ANTXR2: variants seen among roughly 807,000 people sequenced by gnomAD.
ANTXR2 encodes the protein ANTXR cell adhesion molecule 2, also known as anthrax toxin receptor 2.
ANTXR2 carries 44 observed loss-of-function variants against 73.7 expected under a neutral mutation model. The observed-to-expected ratio is 0.60, with a 90% CI of 0.47 to 0.77. ANTXR2 has a LOEUF of 0.77. Among genes scored for constraint, ANTXR2 ranks in the 30% least tolerant of loss-of-function variants. The probability of loss-of-function intolerance (pLI) is 0.00; values close to 1 mark genes in which losing one functional copy is unlikely to be tolerated. For synonymous variants in ANTXR2, 217 were observed against 205.9 expected, an observed-to-expected ratio of 1.05 and a Z score of -0.46; for missense variants, 604 against 592.5, an observed-to-expected ratio of 1.02 and a Z score of -0.20.
intron 16 of ANTXR2, among the ~76,000 whole-genome samples, chr4:79,947,035 G>C (rs1461969526): frequency 6.6e-6 from 1 of 152,028 alleles, no homozygotes; most frequent in Non-Finnish European, 1.5e-5. Context: ...GCTTCTTTTG[G>C]CCAGAAGCAA....
intron 7 of ANTXR2, among the ~76,000 whole-genome samples, chr4:80,043,442 A>G (rs537283502): frequency 6.6e-6 from 1 of 152,062 alleles, no homozygotes; most frequent in South Asian, 2.1e-4. Context: ...TCAAAACCCA[A>G]GTATTTTTCC....
chr4:80,067,979 T>TA, intron 3 of ANTXR2, among the ~76,000 whole-genome samples: 1 of 152,212 alleles, frequency 6.6e-6, no homozygotes, highest in African/African-American at 2.4e-5. Flanking sequence ...TCCCAGAACT[T>TA]AAAATTAAAA....
At chr4:80,029,195 A>G (rs1474757551) in intron 10 of ANTXR2, among the ~76,000 whole-genome samples, 1 of 152,188 alleles carries the variant, frequency 6.6e-6, no homozygotes, top group African/African-American at 2.4e-5. Context: ...ATTCTCTTCT[A>G]AAGAAGACTG....
At chr4:79,946,485 G>C (rs528556772) in intron 16 of ANTXR2, among the ~76,000 whole-genome samples, 3 of 152,226 alleles carry the variant, frequency 2.0e-5, no homozygotes, top group African/African-American at 7.2e-5. Flanking sequence ...AATTAGGGCA[G>C]GAGGCCAACC....
intron 16 of ANTXR2, among the ~76,000 whole-genome samples, chr4:79,958,267 A>G (rs1578111512): frequency 1.3e-5 from 2 of 152,092 alleles, no homozygotes; most frequent in South Asian, 4.1e-4. Flanking sequence ...TAACTGCCCT[A>G]CAGTAACTGT....
intron 7 of ANTXR2, among the ~76,000 whole-genome samples, chr4:80,040,482 T>C (rs1042873228): frequency 6.6e-6 from 1 of 152,080 alleles, no homozygotes; most frequent in Non-Finnish European, 1.5e-5. Flanking sequence ...ACTTTGCAAC[T>C]CCATCATTGG....
chr4:79,925,285 T>C (rs898772469), intron 16 of ANTXR2, among the ~76,000 whole-genome samples: 4 of 88,236 alleles, frequency 4.5e-5, no homozygotes, highest in African/African-American at 1.5e-4. Flanking sequence ...AGTCACTCTT[T>C]CCTTTTTTTT....
intron 12 of ANTXR2, among the ~76,000 whole-genome samples, chr4:80,004,252 T>G (rs1368415202): frequency 6.6e-6 from 1 of 151,654 alleles, no homozygotes; most frequent in African/African-American, 2.4e-5. Flanking sequence ...AAGTTCAGGG[T>G]TTTTGTTTTC....
chr4:79,924,269 C>G (rs933682560), intron 16 of ANTXR2, among the ~76,000 whole-genome samples: 3 of 152,046 alleles, frequency 2.0e-5, no homozygotes, highest in Admixed American at 6.6e-5. Context: ...GGTTTAAATA[C>G]TGGGTACTTC....
At chr4:79,951,643 T>G (rs1249010280) in intron 16 of ANTXR2, among the ~76,000 whole-genome samples, 1 of 151,914 alleles carries the variant, frequency 6.6e-6, no homozygotes, top group East Asian at 1.9e-4. Context: ...AGATTTATTC[T>G]CTATTATTTC....
Position 79,904,097 on chromosome 4 carries a change from A to G in ANTXR2, c.*3332T>C, listed in dbSNP as rs1293901061. The G allele has an allele frequency of 8.1e-6, 1 of 123,500 alleles. No individual in the cohort carries two copies. Among genetic ancestry groups the G allele is most frequent in the Admixed American group, 8.3e-5 (1 of 12,000 alleles). The allele number at this position is 123,500 out of a possible 1,614,324, so 7.7% of individuals were successfully genotyped here. A position where few individuals can be genotyped will look rare whatever the true frequency, so the allele number is the denominator to read the frequency against. ...TTTTAAACACCTAATTATCCACAAT[A>G]TAGAATTTGTTTCAACTTTAAACTA... On this transcript the variant is annotated 3_prime_UTR_variant, in exon 17 of 17. Coordinates refer to ENST00000403729, the MANE Select transcript of ANTXR2 (RefSeq NM_058172.6).
chr4:79,991,092 TAAAC>T (rs1730445344), intron 12 of ANTXR2, among the ~76,000 whole-genome samples: 1 of 151,704 alleles, frequency 6.6e-6, no homozygotes, highest in Non-Finnish European at 1.5e-5. Flanking sequence ...AAAGAAAAAA[TAAAC>T]AAGTAGGACC....
chr4:79,975,131 T>G (rs957186219), intron 16 of ANTXR2, among the ~76,000 whole-genome samples: 1 of 152,170 alleles, frequency 6.6e-6, no homozygotes, highest in Non-Finnish European at 1.5e-5. Flanking sequence ...CCTCAGTGAC[T>G]TTGCTCATGA....
At chr4:79,966,927 C>G (rs1232289908) in intron 16 of ANTXR2, among the ~76,000 whole-genome samples, 1 of 24,286 alleles carries the variant, frequency 4.1e-5, no homozygotes, top group African/African-American at 5.9e-5. Context: ...CCAAGATGGC[C>G]GAATAGGAAC....
At chr4:80,069,042 T>C (rs762777151) in intron 3 of ANTXR2, among the ~76,000 whole-genome samples, 1 of 152,212 alleles carries the variant, frequency 6.6e-6, no homozygotes, top group Non-Finnish European at 1.5e-5. Flanking sequence ...GGATGTCTAC[T>C]GAATCTAGGA....
intron 16 of ANTXR2, among the ~76,000 whole-genome samples, chr4:79,935,269 C>A (rs72871875): frequency 6.6e-6 from 1 of 150,830 alleles, no homozygotes; most frequent in African/African-American, 2.5e-5. Flanking sequence ...GAAAAAGCAC[C>A]CTTTCCTCCA....
In ANTXR2 at chr4:79,977,679, G is replaced by A. The variant is rs961568694; in HGVS notation, c.1370C>T (p.Ala457Val). 2.3e-5 allele frequency: 37 copies of A among 1,579,348 alleles called. No homozygotes were observed. Among genetic ancestry groups the A allele is most frequent in the Non-Finnish European group, 3.2e-5 (37 of 1,162,018 alleles). Residue 457 changes from alanine to valine, a missense_variant, in exon 16 of 17, where the codon GCT becomes GTT. Coordinates refer to ENST00000403729, the MANE Select transcript of ANTXR2 (RefSeq NM_058172.6). ...CCGGTCATACTGCCGCCTCAACAAA[G>A]CCCAGAGAGCATCAAGACGACCCTA... is the stretch of plus-strand genomic sequence containing the variant. Reference protein sequence around the residue: ...PIKGRLDALWALLRRQYDRVS... With the variant: ...PIKGRLDALWVLLRRQYDRVS...
chr4:79,901,889 G>C lies in ANTXR2; in HGVS notation c.*5540C>G, dbSNP rs1198321263. The C allele has an allele frequency of 6.6e-6, 1 of 152,076 alleles. No homozygotes were observed. Among genetic ancestry groups the C allele is most frequent in the Non-Finnish European group, 1.5e-5 (1 of 68,050 alleles). 9.4% of individuals were successfully genotyped at this position (152,076 alleles called of 1,614,324 possible). Reference sequence around the variant, plus strand: ...TGCTGCTGATCTCACAGGAGACACAGCTCAGGTGGTAATGCGAGCGACGGG... The same window carrying C: ...TGCTGCTGATCTCACAGGAGACACACCTCAGGTGGTAATGCGAGCGACGGG... On this transcript the variant is annotated 3_prime_UTR_variant, in exon 17 of 17. Transcript: ENST00000403729.
chr4:79,977,744 A>G, intron 15 of ANTXR2, 43 bp from the exon 16 acceptor site: 4 of 1,512,988 alleles, frequency 2.6e-6, no homozygotes, highest in Non-Finnish European at 3.6e-6. Flanking sequence ...GAATGTACTC[A>G]ATCTCTATGT....
Sources: gnomAD v4.1 joint callset for allele counts (sites outside exome capture counted in the v4.1 genomes callset) on GRCh38, gnomAD v4.1.1 for gene constraint, MANE v1.5 for transcripts, NCBI Gene and HGNC (gene_info 2026-07-23, HGNC 2026-07-21) for gene names.